Variants in NUTM2E observed in about 807,000 individuals in gnomAD.
The protein encoded by NUTM2E is NUT family member 2E, also known as family with sequence similarity 22, member E.
Under a neutral mutation model 26.1 loss-of-function variants are expected in NUTM2E, and 3 were observed. That is an observed-to-expected ratio of 0.12 (90% CI 0.05 to 0.30). The LOEUF (loss-of-function observed/expected upper bound fraction) is 0.30. NUTM2E is among the 10% of genes least tolerant of loss of function. The pLI, the probability that NUTM2E is intolerant of heterozygous loss-of-function variation, is 1.00. For synonymous variants in NUTM2E, 13 were observed against 157.5 expected (o/e 0.08, Z 6.87); for missense variants, 62 against 381.3 (o/e 0.16, Z 6.97).
chr10:79,849,039 C>A, intron 8 of NUTM2E, 144 bp downstream of exon 8: 1 of 967,144 alleles, frequency 1.0e-6, no homozygotes. Flanking sequence ...TTGTGTGTGT[C>A]TGTGTGTTTG....
chr10:79,839,089 G>A lies in NUTM2E; in HGVS notation c.-2140G>A, dbSNP rs901755105. Among the ~76,000 whole-genome samples the A allele has an allele frequency of 6.6e-5, 10 of 151,352 alleles. No individual in the cohort carries two copies. The highest frequency in any genetic ancestry group is 1.0e-4 in the Non-Finnish European group (7 of 67,794). On this transcript the variant is annotated 5_prime_UTR_variant, in exon 3 of 10. Coordinates refer to ENST00000429984, the MANE Select transcript of NUTM2E (RefSeq NM_001355263.2). The stretch of plus-strand genomic sequence containing the variant: ...GACCGTGCCTCTGAGAAACCAGCGC[G>A]TCCGCAACGATCACTCCTAATTTTC...
chr10:79,829,427 A>G (rs946802967), intron 1 of NUTM2E, among the ~76,000 whole-genome samples: 1 of 151,838 alleles, frequency 6.6e-6, no homozygotes, highest in African/African-American at 2.4e-5. Context: ...TATACAAAAT[A>G]GAAACACTAA....
chr10:79,828,193 G>A (rs1841901660), intron 1 of NUTM2E, among the ~76,000 whole-genome samples: 1 of 151,698 alleles, frequency 6.6e-6, no homozygotes, highest in African/African-American at 2.4e-5. Context: ...AATGATATAG[G>A]AATAAATTTG....
At chr10:79,829,910 C>T (rs1312626747) in intron 1 of NUTM2E, among the ~76,000 whole-genome samples, 7 of 151,258 alleles carry the variant, frequency 4.6e-5, no homozygotes, top group Non-Finnish European at 8.9e-5. Flanking sequence ...GAGTTGCAGA[C>T]AAAACAAATA....
intron 1 of NUTM2E, among the ~76,000 whole-genome samples, chr10:79,831,501 G>C (rs1037692609): frequency 6.6e-6 from 1 of 151,098 alleles, no homozygotes; most frequent in African/African-American, 2.4e-5. Context: ...GACCAGGTTT[G>C]GCAAAAAGTA....
intron 1 of NUTM2E, among the ~76,000 whole-genome samples, chr10:79,830,617 A>G (rs1365425634): frequency 6.6e-6 from 1 of 151,816 alleles, no homozygotes; most frequent in African/African-American, 2.4e-5. Flanking sequence ...GCAAATTTTA[A>G]TAGGTAAGAA....
rs576546785 is a variant in NUTM2E at position 79,826,992 on chromosome 10, A to C, written c.-3093A>C. On this transcript the variant is annotated 5_prime_UTR_variant, in exon 1 of 10. Transcript: ENST00000429984. ...GAGCTGCCAGCGGCTGTTCTCCCTA[A>C]GCACCCTCGCTCACGTCGCCTCGCC... The C allele has an allele frequency of 8.4e-5, 6 of 71,752 alleles. No individual in the cohort carries two copies. The highest frequency in any genetic ancestry group is 2.1e-4 in the African/African-American group (5 of 23,314). 4.4% of individuals were successfully genotyped at this position (71,752 alleles called of 1,614,324 possible). A position where few individuals can be genotyped will look rare whatever the true frequency, so the allele number is the denominator to read the frequency against.
chr10:79,835,920 A>G (rs1042913054), intron 1 of NUTM2E, among the ~76,000 whole-genome samples: 1 of 147,984 alleles, frequency 6.8e-6, no homozygotes, highest in Non-Finnish European at 1.5e-5. Flanking sequence ...GCTAGTTTTT[A>G]CTATTTTCTC....
chr10:79,832,316 A>C (rs970487303), intron 1 of NUTM2E, among the ~76,000 whole-genome samples: 1 of 143,346 alleles, frequency 7.0e-6, no homozygotes, highest in Non-Finnish European at 1.6e-5. Flanking sequence ...GTGTGTGTGC[A>C]TGTGTGTGTG....
In NUTM2E at chr10:79,838,841, G is replaced by A. The variant is rs1186230564; in HGVS notation, c.-2388G>A. On this transcript the variant is annotated 5_prime_UTR_variant, in exon 3 of 10. Transcript: ENST00000429984. Reference sequence around the variant, plus strand: ...TTGGGTCACCGCCCTTTGCTCTCGCGCTGCGCGTCTCCCTGCCATCAACCG... The same window carrying A: ...TTGGGTCACCGCCCTTTGCTCTCGCACTGCGCGTCTCCCTGCCATCAACCG... Among the ~76,000 whole-genome samples, 1 of 151,510 alleles carries A rather than the reference G, an allele frequency of 6.6e-6. No homozygotes were observed. Among genetic ancestry groups the A allele is most frequent in the Admixed American group, 6.6e-5 (1 of 15,224 alleles).
chr10:79,836,583 A>G (rs570507403), intron 1 of NUTM2E, among the ~76,000 whole-genome samples: 31 of 152,074 alleles, frequency 2.0e-4, no homozygotes, highest in Admixed American at 1.8e-3. Flanking sequence ...GTTCAGTAGC[A>G]TATTTTATGA....
rs1332847101 is a variant in NUTM2E, at chr10:79,849,690, CCT to C, written c.1852-124_1852-123del. 1.3e-4 allele frequency: 49 copies of C among 373,402 alleles called. No individual in the cohort carries two copies. In the East Asian group the frequency reaches 1.7e-3, roughly 13 times the overall value. The allele number at this position is 373,402 out of a possible 1,614,324, so 23.1% of individuals were successfully genotyped here. A position where few individuals can be genotyped will look rare whatever the true frequency, so the allele number is the denominator to read the frequency against. ...AACGGGAGGCCCGGCAGAGCCACACCCTCTCTCTTTGACATAAAGCCCAGCTG... is the reference window on the plus strand; with the variant it reads ...AACGGGAGGCCCGGCAGAGCCACACCCTCTCTTTGACATAAAGCCCAGCTG... On this transcript the variant is annotated intron_variant, in intron 9 of 9. Transcript: ENST00000429984.
At chr10:79,827,867 C>T (rs1841898242) in intron 1 of NUTM2E, among the ~76,000 whole-genome samples, 1 of 147,144 alleles carries the variant, frequency 6.8e-6, no homozygotes, top group South Asian at 2.2e-4. Flanking sequence ...GATCTTGGCT[C>T]ACCGCAACCT....
chr10:79,839,667 C>T lies in NUTM2E; in HGVS notation c.-2074C>T, dbSNP rs1465553466. ...GTCTCCACGTGATAACACTGAAGAG[C>T]CTTCACATTGATGCAGGCCCAGGGC... On this transcript the variant is annotated 5_prime_UTR_variant, in exon 4 of 10. Transcript: ENST00000429984. 2.0e-5 allele frequency among the ~76,000 whole-genome samples: 3 copies of T among 152,060 alleles called. No individual in the cohort carries two copies. The highest frequency in any genetic ancestry group is 1.9e-4 in the East Asian group (1 of 5,170).
At position 79,838,838 on chromosome 10, in the gene NUTM2E, C is replaced by T. The variant is rs1311825518; in HGVS notation, c.-2391C>T. On this transcript the variant is annotated 5_prime_UTR_variant, in exon 3 of 10. Coordinates refer to ENST00000429984, the MANE Select transcript of NUTM2E (RefSeq NM_001355263.2). ...CCGTTGGGTCACCGCCCTTTGCTCT[C>T]GCGCTGCGCGTCTCCCTGCCATCAA... Among the ~76,000 whole-genome samples, 3 of 151,478 alleles carry T rather than the reference C, an allele frequency of 2.0e-5. No individual in the cohort carries two copies. The highest frequency in any genetic ancestry group is 2.1e-4 in the South Asian group (1 of 4,794).
At chr10:79,835,071 G>A (rs1321477022) in intron 1 of NUTM2E, among the ~76,000 whole-genome samples, 1 of 149,888 alleles carries the variant, frequency 6.7e-6, no homozygotes, top group East Asian at 2.0e-4. Context: ...GACTGGCAGA[G>A]CCTGAAATGA....
chr10:79,834,281 A>G (rs1467581351), intron 1 of NUTM2E, among the ~76,000 whole-genome samples: 1 of 151,684 alleles, frequency 6.6e-6, no homozygotes, highest in Non-Finnish European at 1.5e-5. Flanking sequence ...TGGGCAGCAA[A>G]CCATCATGGC....
chr10:79,838,207 A>T (rs1166558124), intron 1 of NUTM2E, among the ~76,000 whole-genome samples, 102 bp from the exon 2 acceptor site: 2 of 142,302 alleles, frequency 1.4e-5, no homozygotes, highest in African/African-American at 5.2e-5. Flanking sequence ...AGCGATTCTC[A>T]TGGAAGCTTT....
intron 3 of NUTM2E, among the ~76,000 whole-genome samples, chr10:79,839,412 T>C (rs942744797): frequency 2.0e-5 from 3 of 150,366 alleles, no homozygotes; most frequent in African/African-American, 7.3e-5. Flanking sequence ...ATTCAAATGA[T>C]TTCTAGAAAT....
Sources: allele counts gnomAD v4.1 joint callset (sites outside exome capture counted in the v4.1 genomes callset), GRCh38; gene constraint gnomAD v4.1.1; transcripts MANE v1.5; gene names NCBI Gene and HGNC (gene_info 2026-07-23, HGNC 2026-07-21).